SIL1: variants seen among roughly 807,000 people sequenced by gnomAD.
SIL1 encodes the protein SIL1 nucleotide exchange factor.
A neutral mutation model predicts 49.1 loss-of-function variants in SIL1; 40 were observed. That is an observed-to-expected ratio of 0.81 (90% CI 0.63 to 1.06). The LOEUF (loss-of-function observed/expected upper bound fraction) is 1.06. Ranked by LOEUF, SIL1 falls within the 50% of genes least tolerant of loss-of-function variation. The pLI, the probability that SIL1 is intolerant of heterozygous loss-of-function variation, is 0.00. For missense variants in SIL1, 500 were observed against 572.6 expected, an observed-to-expected ratio of 0.87 and a Z score of 1.29; for synonymous variants, 253 against 250.8, an observed-to-expected ratio of 1.01 and a Z score of -0.08.
chr5:139,172,316 C>T lies in SIL1; in HGVS notation c.-11+25953G>A, dbSNP rs370342210. Among the ~76,000 whole-genome samples the T allele has an allele frequency of 7.9e-5, 12 of 152,284 alleles. No individual in the cohort carries two copies. The East Asian group carries it at 1.9e-3, about 24-fold the overall frequency. On this transcript the variant is annotated intron_variant, in intron 1 of 9. Transcript: ENST00000394817. Reference sequence around the variant, plus strand: ...CACACCAAGACACATTATAATCAAACTGTTGAAAGACAAAGGGCCAGGTAT... The same window carrying T: ...CACACCAAGACACATTATAATCAAATTGTTGAAAGACAAAGGGCCAGGTAT...
chr5:138,992,534 T>C (rs575993120), intron 7 of SIL1, among the ~76,000 whole-genome samples: 3 of 152,328 alleles, frequency 2.0e-5, no homozygotes, highest in African/African-American at 7.2e-5. Context: ...ATCCACAGCA[T>C]ACCTGGTCCA....
chr5:139,196,510 T>G (rs76503002), intron 1 of SIL1: 1 of 152,164 alleles, frequency 6.6e-6, no homozygotes, highest in Non-Finnish European at 1.5e-5. Context: ...TTGGCCTCAG[T>G]AGAGAAGTAA....
chr5:139,137,463 A>C (rs529126486), intron 1 of SIL1: 8 of 602,124 alleles, frequency 1.3e-5, no homozygotes, highest in Non-Finnish European at 2.4e-5. Context: ...TGGACTCATC[A>C]TTTTATTTGT....
At chr5:139,174,912 T>C (rs1406720962) in intron 1 of SIL1, among the ~76,000 whole-genome samples, 2 of 124,054 alleles carry the variant, frequency 1.6e-5, no homozygotes, top group African/African-American at 3.2e-5. Flanking sequence ...CACTCCAGCC[T>C]GGATGACAGA....
At chr5:139,018,478 T>C (rs977836426) in intron 7 of SIL1, among the ~76,000 whole-genome samples, 1 of 149,410 alleles carries the variant, frequency 6.7e-6, no homozygotes, top group Non-Finnish European at 1.5e-5. Context: ...TAGTCCCAGC[T>C]ACAGAGATGG....
chr5:139,009,079 A>G (rs1768190735), intron 7 of SIL1, among the ~76,000 whole-genome samples: 1 of 151,350 alleles, frequency 6.6e-6, no homozygotes, highest in African/African-American at 2.4e-5. Flanking sequence ...GTCTCCCATT[A>G]TTATTGTGTG....
At chr5:138,955,874 C>A (rs772997152) in intron 7 of SIL1, among the ~76,000 whole-genome samples, 1 of 152,118 alleles carries the variant, frequency 6.6e-6, no homozygotes, top group Non-Finnish European at 1.5e-5. Flanking sequence ...GTCAACCAAC[C>A]GGAACAACAA....
chr5:139,032,978 TTTTG>T (rs1156476328), intron 5 of SIL1: 1 of 152,072 alleles, frequency 6.6e-6, no homozygotes, highest in Non-Finnish European at 1.5e-5. Flanking sequence ...CTTGTGGATT[TTTTG>T]TTTTTGTTTT....
intron 3 of SIL1, among the ~76,000 whole-genome samples, chr5:139,114,291 C>T (rs149443230): frequency 1.2e-4 from 19 of 152,296 alleles, no homozygotes; most frequent in Non-Finnish European, 2.4e-4. Context: ...TGCTGAGGGG[C>T]AGTGATCAGC....
intron 7 of SIL1, among the ~76,000 whole-genome samples, chr5:138,954,221 G>A (rs936553733): frequency 1.3e-5 from 2 of 152,188 alleles, no homozygotes; most frequent in Non-Finnish European, 1.5e-5. Flanking sequence ...TAAGTAAATC[G>A]GAGAGAAAAG....
intron 3 of SIL1, among the ~76,000 whole-genome samples, chr5:139,055,806 G>A (rs1271913268): frequency 1.8e-4 from 9 of 49,858 alleles, no homozygotes; most frequent in Non-Finnish European, 2.3e-4. Flanking sequence ...GAGTGCCTGC[G>A]ATTGCAGGCA....
At chr5:139,132,830 A>G (rs1419796509) in intron 1 of SIL1, among the ~76,000 whole-genome samples, 4 of 152,142 alleles carry the variant, frequency 2.6e-5, no homozygotes, top group Non-Finnish European at 4.4e-5. Context: ...GAAAGGGGGA[A>G]AGGGAAGTGG....
intron 5 of SIL1, among the ~76,000 whole-genome samples, chr5:139,030,440 G>T (rs776566442): frequency 6.6e-6 from 1 of 151,572 alleles, no homozygotes; most frequent in South Asian, 2.1e-4. Flanking sequence ...TCATACCACT[G>T]TACTCCCGTG....
At chr5:139,120,909 G>A (rs777831378) in intron 3 of SIL1, 126 bp downstream of exon 3, 67 of 1,200,000 alleles carry the variant, frequency 5.6e-5, no homozygotes, top group Non-Finnish European at 6.9e-5. Context: ...CCACTCTGAC[G>A]GACCATGCTG....
chr5:139,045,879 C>G (rs1769148027), intron 4 of SIL1, among the ~76,000 whole-genome samples: 1 of 152,176 alleles, frequency 6.6e-6, no homozygotes, highest in African/African-American at 2.4e-5. Flanking sequence ...CAAATTAAAT[C>G]TCCAAATTCA....
At chr5:139,118,742 G>A (rs570736596) in intron 3 of SIL1, among the ~76,000 whole-genome samples, 4 of 152,288 alleles carry the variant, frequency 2.6e-5, no homozygotes, top group African/African-American at 9.6e-5. Flanking sequence ...TCTGGTTGAA[G>A]GCAAGTGCCA....
chr5:139,072,758 A>G (rs1472869588), intron 3 of SIL1, among the ~76,000 whole-genome samples: 1 of 152,204 alleles, frequency 6.6e-6, no homozygotes, highest in African/African-American at 2.4e-5. Flanking sequence ...TAAAACAATC[A>G]ATAGAGTGAA....
chr5:139,023,769 C>T (rs1297354144), intron 6 of SIL1, among the ~76,000 whole-genome samples: 1 of 152,178 alleles, frequency 6.6e-6, no homozygotes, highest in East Asian at 1.9e-4. Flanking sequence ...CCCCAAGCCC[C>T]CATCACAACT....
At chr5:139,145,914 A>T (rs1268688722) in intron 1 of SIL1, among the ~76,000 whole-genome samples, 5 of 151,780 alleles carry the variant, frequency 3.3e-5, no homozygotes, top group African/African-American at 4.8e-5. Context: ...AATAAAAAAA[A>T]AAATAAAGAG....
Sources: allele counts gnomAD v4.1 joint callset (sites outside exome capture counted in the v4.1 genomes callset), GRCh38; gene constraint gnomAD v4.1.1; transcripts MANE v1.5; gene names NCBI Gene and HGNC (gene_info 2026-07-23, HGNC 2026-07-21).